Variants in PLEKHA7 observed in about 807,000 individuals in gnomAD.
The protein encoded by PLEKHA7 is pleckstrin homology domain-containing family A member 7.
A neutral mutation model predicts 170.0 loss-of-function variants in PLEKHA7; 104 were observed. That is an observed-to-expected ratio of 0.61 (90% CI 0.52 to 0.72). The LOEUF is 0.72. Ranked by LOEUF, PLEKHA7 falls within the 30% of genes least tolerant of loss-of-function variation. The pLI, the probability that PLEKHA7 is intolerant of heterozygous loss-of-function variation, is 0.00. For synonymous variants in PLEKHA7, 648 were observed against 660.8 expected (o/e 0.98, Z 0.30); for missense variants, 1,615 against 1,671.7 (o/e 0.97, Z 0.59).
chr11:16,990,273 CAAAAAAAAAAAAA>C (rs550741646), intron 3 of PLEKHA7, among the ~76,000 whole-genome samples: 3 of 62,700 alleles, frequency 4.8e-5, no homozygotes, highest in East Asian at 1.3e-3. Flanking sequence ...GACCCTGTCT[CAAAAAAAAAAAAA>C]AAAAAAAAAA....
At chr11:16,830,188 T>G (rs979348893) in intron 9 of PLEKHA7, among the ~76,000 whole-genome samples, 2 of 152,058 alleles carry the variant, frequency 1.3e-5, no homozygotes, top group Non-Finnish European at 2.9e-5. Context: ...CTTTCTTTGT[T>G]GCCCAGGCTA....
chr11:16,973,838 T>A (rs981521926), intron 3 of PLEKHA7, among the ~76,000 whole-genome samples: 1 of 152,154 alleles, frequency 6.6e-6, no homozygotes, highest in Non-Finnish European at 1.5e-5. Context: ...AAGGCCCTGT[T>A]CAGTCGGGTG....
intron 3 of PLEKHA7, among the ~76,000 whole-genome samples, chr11:16,879,937 C>A (rs1397685429): frequency 6.6e-6 from 1 of 152,204 alleles, no homozygotes; most frequent in Non-Finnish European, 1.5e-5. Flanking sequence ...CCACATGGAG[C>A]CCCATGACTT....
At chr11:16,807,204 C>A (rs1342118306) in intron 13 of PLEKHA7, 5 of 985,194 alleles carry the variant, frequency 5.1e-6, no homozygotes, top group Non-Finnish European at 4.8e-6. Flanking sequence ...GCACGTTGAT[C>A]AAAGGTTCAT....
rs371948019 is a variant in PLEKHA7 at position 16,915,653 on chromosome 11, A to G, written c.222-44471T>C. The stretch of plus-strand genomic sequence containing the variant: ...TTGCGATAGTTTACTGAGAATGATG[A>G]TTTCCAATTTCATCCATGTCCCTAC... On this transcript the variant is annotated intron_variant, in intron 3 of 26. Transcript: ENST00000531066. Among the ~76,000 whole-genome samples the G allele has an allele frequency of 1.9e-3, 293 of 151,380 alleles. 6 individuals carry two copies. The East Asian group carries it at 0.05, about 26-fold the overall frequency.
chr11:16,879,183 T>C (rs768473780), intron 3 of PLEKHA7, among the ~76,000 whole-genome samples: 6 of 152,238 alleles, frequency 3.9e-5, no homozygotes, highest in Admixed American at 6.5e-5. Context: ...CTCGCTAGTA[T>C]TGCTCTCTGC....
At chr11:16,810,260 C>T (rs1481219097) in intron 13 of PLEKHA7, among the ~76,000 whole-genome samples, 1 of 152,242 alleles carries the variant, frequency 6.6e-6, no homozygotes, top group Non-Finnish European at 1.5e-5. Context: ...AATACCTCTC[C>T]CCTGATTCCA....
At chr11:16,810,163 T>C (rs1849268922) in intron 13 of PLEKHA7, among the ~76,000 whole-genome samples, 2 of 152,262 alleles carry the variant, frequency 1.3e-5, no homozygotes, top group South Asian at 4.1e-4. Context: ...GTATATTCCC[T>C]TTTCGACTTA....
chr11:16,860,865 A>G (rs548132173), intron 4 of PLEKHA7, among the ~76,000 whole-genome samples: 1 of 152,316 alleles, frequency 6.6e-6, no homozygotes, highest in East Asian at 1.9e-4. Context: ...TGACTCCTCC[A>G]CAAGTCACAT....
At chr11:16,794,329 G>A (rs1848061547) in intron 19 of PLEKHA7, among the ~76,000 whole-genome samples, 159 bp downstream of exon 19, 1 of 151,992 alleles carries the variant, frequency 6.6e-6, no homozygotes, top group Non-Finnish European at 1.5e-5. Flanking sequence ...CACAATAGCA[G>A]GGAAATACTA....
chr11:16,789,797 T>C lies in PLEKHA7; in HGVS notation c.3134A>G (p.Glu1045Gly). ...YVTLRRGLNA[E>G]SSKATFPRPK... ...CACAGGGAAGGTCGCCTTGCTGCTT[T>C]CGGCATTGAGACCCCTCCGGAGTGT... is the stretch of plus-strand genomic sequence containing the variant. The change falls in exon 22 of 27, where the codon GAA becomes GGA. Residue 1045 changes from glutamate to glycine, a missense_variant. By Grantham distance (98) the Glu-to-Gly change is moderately conservative. Coordinates refer to ENST00000531066, the MANE Select transcript of PLEKHA7 (RefSeq NM_001329630.2). The surrounding 1 kb of genome is among the most constrained non-coding windows in gnomAD (Gnocchi z 4.6). 6.2e-7 allele frequency: 1 copy of C among 1,614,030 alleles called. No homozygotes were observed. The highest frequency in any genetic ancestry group is 1.7e-4 in the Middle Eastern group (1 of 6,058).
At chr11:16,847,155 G>T (rs1222112959) in intron 8 of PLEKHA7, among the ~76,000 whole-genome samples, 1 of 137,296 alleles carries the variant, frequency 7.3e-6, no homozygotes, top group Non-Finnish European at 1.5e-5. Context: ...GGAGTGCAGT[G>T]GCACGATCTC....
At chr11:16,860,784 A>G (rs2135528680) in intron 4 of PLEKHA7, among the ~76,000 whole-genome samples, 1 of 152,340 alleles carries the variant, frequency 6.6e-6, no homozygotes, top group East Asian at 1.9e-4. Context: ...CCCCAGGTCA[A>G]GGAAATCTTG....
intron 3 of PLEKHA7, among the ~76,000 whole-genome samples, chr11:16,969,980 T>C (rs763139912): frequency 3.2e-4 from 48 of 152,146 alleles, no homozygotes; most frequent in Admixed American, 2.0e-4. Flanking sequence ...AGACAACGAG[T>C]AAACTAAAAG....
Position 16,826,732 on chromosome 11 carries a change from C to T in PLEKHA7, c.873-142G>A, listed in dbSNP as rs1564971105. 5.2e-6 allele frequency: 4 copies of T among 763,804 alleles called. No homozygotes were observed. The East Asian group carries it at 8.1e-5, about 15-fold the overall frequency. The allele number at this position is 763,804 out of a possible 1,614,324, so 47.3% of individuals were successfully genotyped here. On this transcript the variant is annotated intron_variant, in intron 9 of 26. Transcript: ENST00000531066. ...CTTTCATGCTCATGTCCTCACTCTG[C>T]CTGCCTAACTTCTGCTCCTTTGGGG...
At position 16,914,214 on chromosome 11, in the gene PLEKHA7, C is replaced by T. The variant is rs12274245; in HGVS notation, c.222-43032G>A. On this transcript the variant is annotated intron_variant, in intron 3 of 26. Coordinates refer to ENST00000531066, the MANE Select transcript of PLEKHA7 (RefSeq NM_001329630.2). Reference sequence around the variant, plus strand: ...TTACCAAAACGTTAGCAGTAATCACCCCTGGACTTAGAAGTAGACATTTTT... The same window carrying T: ...TTACCAAAACGTTAGCAGTAATCACTCCTGGACTTAGAAGTAGACATTTTT... 1.7e-3 allele frequency among the ~76,000 whole-genome samples: 261 copies of T among 152,212 alleles called. 2 individuals carry two copies. The highest frequency in any genetic ancestry group is 6.0e-3 in the African/African-American group (249 of 41,532).
At chr11:16,897,852 C>A (rs1000904031) in intron 3 of PLEKHA7, among the ~76,000 whole-genome samples, 1 of 152,110 alleles carries the variant, frequency 6.6e-6, no homozygotes, top group Non-Finnish European at 1.5e-5. Context: ...ATGTGCAGTT[C>A]GGTGCTGCAA....
Position 16,789,554 on chromosome 11 carries a change from T to A in PLEKHA7, c.3156+221A>T. 1.6e-6 allele frequency: 1 copy of A among 615,962 alleles called. No individual in the cohort carries two copies. Among genetic ancestry groups the A allele is most frequent in the Non-Finnish European group, 2.8e-6 (1 of 351,516 alleles). 38.2% of individuals were successfully genotyped at this position (615,962 alleles called of 1,614,324 possible). On this transcript the variant is annotated intron_variant, in intron 22 of 26. Coordinates refer to ENST00000531066, the MANE Select transcript of PLEKHA7 (RefSeq NM_001329630.2). The surrounding 1 kb of genome is among the most constrained non-coding windows in gnomAD (Gnocchi z 4.6). ...TGTCCAGTGAGGCCAGAACCCAGGG[T>A]GCAGGCTTCTTGAGCTCCCTCCTGC...
At chr11:16,784,484 G>C (rs189203297) in intron 24 of PLEKHA7, among the ~76,000 whole-genome samples, 197 of 152,318 alleles carry the variant, frequency 1.3e-3, no homozygotes, top group African/African-American at 4.5e-3. Context: ...TTCTGATCTA[G>C]ACAGGAGGCA....
Sources: gnomAD v4.1 joint callset for allele counts (sites outside exome capture counted in the v4.1 genomes callset) on GRCh38, gnomAD v4.1.1 for gene constraint, Gnocchi (gnomAD v3.1) non-coding constraint, MANE v1.5 for transcripts, NCBI Gene and HGNC (gene_info 2026-07-23, HGNC 2026-07-21) for gene names.